GRID2: variants seen among roughly 807,000 people sequenced by gnomAD.
GRID2 encodes the protein glutamate ionotropic receptor delta type subunit 2, also known as glutamate receptor ionotropic, delta-2.
Under a neutral mutation model 114.8 loss-of-function variants are expected in GRID2, and 33 were observed. The ratio of observed to expected loss-of-function variants is 0.29; its 90% CI spans 0.22 to 0.38. The LOEUF (loss-of-function observed/expected upper bound fraction) is 0.38, where lower values mean the gene tolerates loss of function less well. Among genes scored for constraint, GRID2 ranks in the 10% least tolerant of loss-of-function variants. The pLI is 1.00. For synonymous variants in GRID2, 505 were observed against 449.9 expected (o/e 1.12, Z -1.55); for missense variants, 1,184 against 1,257.7 (o/e 0.94, Z 0.89).
At chr4:93,365,797 C>T (rs1762282524) in intron 8 of GRID2, among the ~76,000 whole-genome samples, 1 of 152,064 alleles carries the variant, frequency 6.6e-6, no homozygotes, top group African/African-American at 2.4e-5. Context: ...GTCAGGGACC[C>T]CAAATGGAGG....
chr4:92,867,582 AT>A (rs34222173), intron 2 of GRID2, among the ~76,000 whole-genome samples: 39,183 of 143,290 alleles, frequency 0.27, 5,769 homozygotes, highest in African/African-American at 0.43. Flanking sequence ...CTGTACTATT[AT>A]TTTTTTTTTT....
At chr4:92,902,140 G>A (rs924473571) in intron 2 of GRID2, among the ~76,000 whole-genome samples, 1 of 151,986 alleles carries the variant, frequency 6.6e-6, no homozygotes, top group Non-Finnish European at 1.5e-5. Flanking sequence ...TATTCTATTT[G>A]GGATTTCTAT....
intron 12 of GRID2, among the ~76,000 whole-genome samples, chr4:93,508,211 T>C (rs2149482559): frequency 1.3e-5 from 2 of 151,510 alleles, no homozygotes; most frequent in Non-Finnish European, 2.9e-5. Context: ...TTTTTTTTTT[T>C]TTTTTTGACG....
intron 9 of GRID2, among the ~76,000 whole-genome samples, chr4:93,419,958 A>C (rs1001797469): frequency 6.6e-6 from 1 of 152,140 alleles, no homozygotes; most frequent in Admixed American, 6.5e-5. Flanking sequence ...CTATGCAATA[A>C]TTAAATTCAT....
At chr4:93,053,488 C>G (rs952367676) in intron 2 of GRID2, among the ~76,000 whole-genome samples, 15 of 151,838 alleles carry the variant, frequency 9.9e-5, no homozygotes, top group Admixed American at 4.6e-4. Context: ...GGATACCTAC[C>G]TTTTCTCTCC....
At chr4:92,808,073 A>G (rs1740501614) in intron 2 of GRID2, among the ~76,000 whole-genome samples, 2 of 151,994 alleles carry the variant, frequency 1.3e-5, no homozygotes, top group Admixed American at 6.6e-5. Flanking sequence ...GAGGGAGATA[A>G]AAGTGTCAGA....
chr4:92,764,877 C>G (rs1290223996), intron 2 of GRID2, among the ~76,000 whole-genome samples: 1 of 152,132 alleles, frequency 6.6e-6, no homozygotes, highest in Non-Finnish European at 1.5e-5. Context: ...GGTCTTAGTG[C>G]TGAACTCTAG....
rs144087138 is a variant in GRID2, at chr4:93,594,819, G to C, written c.2194-31450G>C. On this transcript the variant is annotated intron_variant, in intron 13 of 15. Coordinates refer to ENST00000282020, the MANE Select transcript of GRID2 (RefSeq NM_001510.4). The stretch of plus-strand genomic sequence containing the variant: ...CGGGTGGGAGTGACCCGATTTTCCA[G>C]GTGCCGTCCATCACCCCTTTCTTTG... Among the ~76,000 whole-genome samples the C allele has an allele frequency of 6.6e-3, 1,003 of 152,262 alleles. 7 individuals carry two copies. Among genetic ancestry groups the C allele is most frequent in the South Asian group, 0.016 (78 of 4,818 alleles).
At chr4:92,611,145 CATGT>C (rs200578066) in intron 2 of GRID2, among the ~76,000 whole-genome samples, 1,273 of 121,264 alleles carry the variant, frequency 0.01, 16 homozygotes, top group East Asian at 0.072. Context: ...TGTGTGTGTG[CATGT>C]GTGTGTGTGT....
At chr4:92,710,285 A>G (rs1000875235) in intron 2 of GRID2, among the ~76,000 whole-genome samples, 8 of 152,208 alleles carry the variant, frequency 5.3e-5, no homozygotes, top group African/African-American at 1.9e-4. Context: ...AGAAGAAAAT[A>G]GTAAGTACTA....
At chr4:92,758,278 G>T in intron 2 of GRID2, among the ~76,000 whole-genome samples, 1 of 152,032 alleles carries the variant, frequency 6.6e-6, no homozygotes, top group East Asian at 1.9e-4. Context: ...ATTGTCTCAA[G>T]GAATGAAAAT....
intron 8 of GRID2, among the ~76,000 whole-genome samples, chr4:93,331,564 A>G (rs183753080): frequency 2.3e-4 from 35 of 152,182 alleles, no homozygotes; most frequent in Admixed American, 5.2e-4. Flanking sequence ...CCAGAATATA[A>G]TCTCCAAAAG....
chr4:92,399,187 A>G (rs938918263), intron 1 of GRID2, among the ~76,000 whole-genome samples: 1 of 152,142 alleles, frequency 6.6e-6, no homozygotes, highest in African/African-American at 2.4e-5. Flanking sequence ...AGGTTTCTGC[A>G]TCCTACCGTA....
intron 4 of GRID2, among the ~76,000 whole-genome samples, chr4:93,192,679 A>G (rs1741096342): frequency 6.7e-6 from 1 of 148,236 alleles, no homozygotes; most frequent in Non-Finnish European, 1.5e-5. Context: ...CCTGGGAGGC[A>G]GAGGTTGCAG....
exon 2 of GRID2, chr4:93,809,270 T>G (rs1735088460): frequency 6.6e-6 from 1 of 152,176 alleles, no homozygotes; most frequent in African/African-American, 2.4e-5. Flanking sequence ...CCAATTTGAG[T>G]TCAGTCTCAC....
chr4:93,574,061 T>C (rs1017083955), intron 13 of GRID2, among the ~76,000 whole-genome samples: 1 of 152,210 alleles, frequency 6.6e-6, no homozygotes, highest in African/African-American at 2.4e-5. Flanking sequence ...AGTAATATTT[T>C]ACCTTTACAT....
At chr4:93,488,902 T>C (rs1726689185) in intron 11 of GRID2, among the ~76,000 whole-genome samples, 2 of 151,928 alleles carry the variant, frequency 1.3e-5, no homozygotes, top group African/African-American at 2.4e-5. Context: ...GCTTACAATC[T>C]CACTATACCT....
At chr4:92,651,956 C>A (rs750848942) in intron 2 of GRID2, among the ~76,000 whole-genome samples, 3 of 152,074 alleles carry the variant, frequency 2.0e-5, no homozygotes, top group Non-Finnish European at 2.9e-5. Context: ...GCTAGAGGTG[C>A]AGGCTGGGAA....
At position 93,394,438 on chromosome 4, in the gene GRID2, A is replaced by G. The variant is rs183111860; in HGVS notation, c.1246-1169A>G. Among the ~76,000 whole-genome samples the G allele has an allele frequency of 2.9e-3, 441 of 152,028 alleles. 2 individuals carry two copies. Among genetic ancestry groups the G allele is most frequent in the Non-Finnish European group, 5.0e-3 (339 of 67,862 alleles). Reference sequence around the variant, plus strand: ...TGTACATTTTCATTTTCTTAATTAAACACCTTTTGGGGAGCTTAAAGGGAA... The same window carrying G: ...TGTACATTTTCATTTTCTTAATTAAGCACCTTTTGGGGAGCTTAAAGGGAA... On this transcript the variant is annotated intron_variant, in intron 8 of 15. Coordinates refer to ENST00000282020, the MANE Select transcript of GRID2 (RefSeq NM_001510.4).
Sources: gnomAD v4.1 joint callset for allele counts (sites outside exome capture counted in the v4.1 genomes callset) on GRCh38, gnomAD v4.1.1 for gene constraint, MANE v1.5 for transcripts, NCBI Gene and HGNC (gene_info 2026-07-23, HGNC 2026-07-21) for gene names.